DLGAP2: variants seen among roughly 807,000 people sequenced by gnomAD.
The protein encoded by DLGAP2 is DLG associated protein 2.
Under a neutral mutation model 100.3 loss-of-function variants are expected in DLGAP2, and 26 were observed. That is an observed-to-expected ratio of 0.26 (90% CI 0.19 to 0.36). The LOEUF (loss-of-function observed/expected upper bound fraction) is 0.36. DLGAP2 is among the 10% of genes least tolerant of loss of function. DLGAP2 has a pLI of 1.00. For synonymous variants in DLGAP2, 886 were observed against 630.1 expected (o/e 1.41, Z -6.08); for missense variants, 1,858 against 1,453.2 (o/e 1.28, Z -4.53).
chr8:1,106,915 G>C (rs542715684), intron 2 of DLGAP2, among the ~76,000 whole-genome samples: 38 of 152,322 alleles, frequency 2.5e-4, no homozygotes, highest in African/African-American at 8.9e-4. Context: ...AAGACTCTAA[G>C]GGTTCTAGGA....
At chr8:1,455,690 G>A (rs1484059704) in intron 3 of DLGAP2, among the ~76,000 whole-genome samples, 1 of 152,098 alleles carries the variant, frequency 6.6e-6, no homozygotes, top group East Asian at 1.9e-4. Flanking sequence ...TTAATTAAGC[G>A]TCACATCCAC....
intron 1 of DLGAP2, among the ~76,000 whole-genome samples, chr8:860,812 A>G (rs567469577): frequency 6.6e-6 from 1 of 152,276 alleles, no homozygotes; most frequent in East Asian, 1.9e-4. Flanking sequence ...GTCAGTGAGA[A>G]AGACGGAGAA....
In DLGAP2 at chr8:1,492,269, G is replaced by C. The variant is rs919101503; in HGVS notation, c.107-9097G>C. On this transcript the variant is annotated intron_variant, in intron 3 of 14. Coordinates refer to ENST00000637795, the MANE Select transcript of DLGAP2 (RefSeq NM_001346810.2). ...GGTGCACAGCTGCGAGTGAAATGGA[G>C]GAGGAAGCCAGCATTAAAACCAATC... Among the ~76,000 whole-genome samples, 5 of 152,228 alleles carry C rather than the reference G, an allele frequency of 3.3e-5. No individual in the cohort carries two copies. In the South Asian group the frequency reaches 1.0e-3, roughly 32 times the overall value.
At chr8:1,564,030 C>T (rs1490185458) in intron 5 of DLGAP2, among the ~76,000 whole-genome samples, 1 of 152,176 alleles carries the variant, frequency 6.6e-6, no homozygotes, top group Non-Finnish European at 1.5e-5. Context: ...TCTTCTCCTA[C>T]ATGAAAAACA....
intron 4 of DLGAP2, among the ~76,000 whole-genome samples, chr8:1,522,750 A>G (rs1415465491): frequency 6.6e-6 from 1 of 152,174 alleles, no homozygotes; most frequent in African/African-American, 2.4e-5. Context: ...TAAACTTTCA[A>G]ATTACACGCG....
chr8:1,028,046 T>C (rs1278757098), intron 2 of DLGAP2, among the ~76,000 whole-genome samples: 9 of 112,118 alleles, frequency 8.0e-5, no homozygotes, highest in Admixed American at 2.0e-4. Context: ...GGGTGCTCGG[T>C]GCCCATTATT....
At chr8:1,357,664 T>G (rs1183052607) in intron 3 of DLGAP2, among the ~76,000 whole-genome samples, 1 of 152,182 alleles carries the variant, frequency 6.6e-6, no homozygotes, top group East Asian at 1.9e-4. Flanking sequence ...AACCTTTTTG[T>G]CTCTGACGGA....
At chr8:1,108,771 T>TAG (rs1804860355) in intron 2 of DLGAP2, among the ~76,000 whole-genome samples, 1 of 134,232 alleles carries the variant, frequency 7.4e-6, no homozygotes, top group Non-Finnish European at 1.5e-5. Flanking sequence ...GGTGTGCACG[T>TAG]GCCTATGAAG....
chr8:1,159,572 C>T (rs933331831), intron 2 of DLGAP2, among the ~76,000 whole-genome samples: 1 of 58,386 alleles, frequency 1.7e-5, no homozygotes, highest in Non-Finnish European at 3.5e-5. Flanking sequence ...CGAAGCAGCA[C>T]ACTCTTCTGT....
chr8:1,330,997 G>T (rs567517703), intron 3 of DLGAP2, among the ~76,000 whole-genome samples: 1 of 132,730 alleles, frequency 7.5e-6, no homozygotes, highest in Non-Finnish European at 1.7e-5. Context: ...TGGGAGCACC[G>T]CTTCATGGGG....
At chr8:1,182,101 G>A (rs114786466) in intron 2 of DLGAP2, among the ~76,000 whole-genome samples, 5,653 of 152,266 alleles carry the variant, frequency 0.037, 388 homozygotes, top group African/African-American at 0.13. Flanking sequence ...CTGATCTTCA[G>A]CTCACAACAG....
At chr8:924,615 G>T (rs1402441251) in intron 2 of DLGAP2, among the ~76,000 whole-genome samples, 1 of 150,080 alleles carries the variant, frequency 6.7e-6, no homozygotes, top group African/African-American at 2.5e-5. Context: ...ACGGAGTTTT[G>T]CTCGTTGCCC....
chr8:1,615,434 A>G (rs1797118153), intron 6 of DLGAP2, among the ~76,000 whole-genome samples: 2 of 152,240 alleles, frequency 1.3e-5, no homozygotes, highest in African/African-American at 4.8e-5. Context: ...CCCACCTGCA[A>G]GGAAAAAACT....
intron 1 of DLGAP2, among the ~76,000 whole-genome samples, chr8:838,810 A>T (rs965148351): frequency 1.3e-5 from 2 of 152,238 alleles, no homozygotes; most frequent in Non-Finnish European, 2.9e-5. Flanking sequence ...AGAAAGAAGT[A>T]AAGGCAATTA....
intron 1 of DLGAP2, among the ~76,000 whole-genome samples, chr8:869,606 G>T (rs1797559982): frequency 6.6e-6 from 1 of 152,166 alleles, no homozygotes. Context: ...TTCCAAGGCT[G>T]GCAGCTGGAT....
chr8:840,991 A>G (rs1335955799), intron 1 of DLGAP2, among the ~76,000 whole-genome samples: 1 of 152,218 alleles, frequency 6.6e-6, no homozygotes, highest in Non-Finnish European at 1.5e-5. Flanking sequence ...GATGTCAGAA[A>G]GTATTGACTG....
In DLGAP2 at chr8:1,701,522, C is replaced by T. The variant is rs1226279398; in HGVS notation, c.*116C>T. The T allele has an allele frequency of 7.9e-6, 9 of 1,142,998 alleles. No individual in the cohort carries two copies. The highest frequency in any genetic ancestry group is 7.9e-5 in the African/African-American group (5 of 63,660). 70.8% of individuals were successfully genotyped at this position (1,142,998 alleles called of 1,614,324 possible). ...CCCGCTGAACACGTCCTCGCTCCCGCGCTCCCCGCGCCCCGGACACAGCGG... is the reference window on the plus strand; with the variant it reads ...CCCGCTGAACACGTCCTCGCTCCCGTGCTCCCCGCGCCCCGGACACAGCGG... On this transcript the variant is annotated 3_prime_UTR_variant, in exon 15 of 15. Transcript: ENST00000637795.
intron 2 of DLGAP2, among the ~76,000 whole-genome samples, chr8:1,237,345 G>A (rs1194751856): frequency 2.8e-3 from 289 of 101,568 alleles, no homozygotes; most frequent in African/African-American, 0.014. Context: ...ACATGGTGCC[G>A]TGTCTAGTTC....
chr8:1,646,632 T>G (rs953111279), intron 8 of DLGAP2, among the ~76,000 whole-genome samples: 2 of 152,202 alleles, frequency 1.3e-5, no homozygotes, highest in African/African-American at 2.4e-5. Context: ...GTCAGAAACT[T>G]CAGTCCTTGT....
Sources: allele counts gnomAD v4.1 joint callset (sites outside exome capture counted in the v4.1 genomes callset), GRCh38; gene constraint gnomAD v4.1.1; transcripts MANE v1.5; gene names NCBI Gene and HGNC (gene_info 2026-07-23, HGNC 2026-07-21).